The following POLA1 variants were observed in gnomAD, a reference collection of about 807,000 sequenced individuals.
POLA1 encodes the protein DNA polymerase alpha catalytic subunit.
POLA1 carries 15 observed loss-of-function variants against 124.0 expected under a neutral mutation model. That is an observed-to-expected ratio of 0.12 (90% CI 0.08 to 0.19). The LOEUF is 0.19. POLA1 is among the 10% of genes least tolerant of loss of function. POLA1 has a pLI of 1.00. For synonymous variants in POLA1, 408 were observed against 389.4 expected (o/e 1.05, Z -0.56); for missense variants, 886 against 1,103.4 (o/e 0.80, Z 2.79).
chrX:24,693,947 G>C lies in POLA1; in HGVS notation c.-15G>C, dbSNP rs1927782939. On this transcript the variant is annotated 5_prime_UTR_variant, in exon 1 of 37. Coordinates refer to ENST00000379068, the MANE Select transcript of POLA1 (RefSeq NM_001330360.2). ...GTTTTGGGCTGGTTGGCGCGGAATC[G>C]GGAGATTCGGGACCATGGCACCTGT... The C allele has an allele frequency of 8.4e-7, 1 of 1,190,918 alleles. No homozygotes were observed. Among genetic ancestry groups the C allele is most frequent in the Non-Finnish European group, 1.1e-6 (1 of 884,441 alleles).
Position 24,858,771 on chromosome X carries a change from C to T in POLA1, c.4047+15094C>T, listed in dbSNP as rs11573441. 1.0e-3 allele frequency among the ~76,000 whole-genome samples: 114 copies of T among 112,421 alleles called. No homozygotes were observed. In the East Asian group the frequency reaches 0.028, roughly 28 times the overall value. On this transcript the variant is annotated intron_variant, in intron 34 of 36. Coordinates refer to ENST00000379068, the MANE Select transcript of POLA1 (RefSeq NM_001330360.2). ...TAGCTACCTGTCTACACAAGCATGT[C>T]AGTACTGAAGTAGGCTGTCTGAACC... is the stretch of plus-strand genomic sequence containing the variant.
intron 36 of POLA1, among the ~76,000 whole-genome samples, chrX:24,963,646 A>G (rs1234907083): frequency 8.9e-6 from 1 of 111,972 alleles, no homozygotes; most frequent in African/African-American, 3.2e-5. Flanking sequence ...AATAAGATAC[A>G]TGTACATAGT....
chrX:24,919,091 G>C (rs2047575807), intron 35 of POLA1, among the ~76,000 whole-genome samples: 1 of 111,790 alleles, frequency 8.9e-6, no homozygotes, highest in South Asian at 3.8e-4. Context: ...TTAAGAAGTA[G>C]AGCCAGGATT....
chrX:24,909,275 A>G (rs1978338452), intron 35 of POLA1, among the ~76,000 whole-genome samples: 1 of 111,989 alleles, frequency 8.9e-6, no homozygotes, highest in African/African-American at 3.2e-5. Flanking sequence ...TTTTGTTGCC[A>G]TTGTTTTTGG....
At chrX:24,870,888 C>A (rs777990866) in intron 34 of POLA1, among the ~76,000 whole-genome samples, 1 of 111,697 alleles carries the variant, frequency 9.0e-6, no homozygotes, top group Non-Finnish European at 1.9e-5. Context: ...TTTCTTTGAA[C>A]CTGTTTCAAT....
chrX:24,801,924 G>GGTGGGT (rs1555994716), intron 26 of POLA1, among the ~76,000 whole-genome samples: 77 of 74,544 alleles, frequency 1.0e-3, no homozygotes, highest in African/African-American at 1.9e-3. Flanking sequence ...GAGGTGGGTG[G>GGTGGGT]GTGTGTGTGT....
intron 34 of POLA1, among the ~76,000 whole-genome samples, chrX:24,856,311 A>C (rs1197805333): frequency 1.8e-5 from 2 of 112,337 alleles, no homozygotes; most frequent in Non-Finnish European, 3.8e-5. Context: ...CTTTGAGACT[A>C]TCTTCTTTCC....
At chrX:24,795,382 A>G (rs781627796) in intron 26 of POLA1, among the ~76,000 whole-genome samples, 5 of 111,821 alleles carry the variant, frequency 4.5e-5, no homozygotes, top group Middle Eastern at 9.2e-3. Context: ...GTGAATTTGT[A>G]TACCCTCAAT....
Position 24,738,214 on chromosome X carries a change from C to T in POLA1, c.2040+473C>T, listed in dbSNP as rs1038422096. Reference sequence around the variant, plus strand: ...CGGCCTGGGCGACAGAGCGAGACTCCGTCTCAAAAAAAAAAAAAAAAAAAA... The same window carrying T: ...CGGCCTGGGCGACAGAGCGAGACTCTGTCTCAAAAAAAAAAAAAAAAAAAA... On this transcript the variant is annotated intron_variant, in intron 19 of 36. Transcript: ENST00000379068. 4.6e-4 allele frequency among the ~76,000 whole-genome samples: 30 copies of T among 65,256 alleles called. 2 individuals are homozygous for T. Among genetic ancestry groups the T allele is most frequent in the African/African-American group, 2.7e-3 (28 of 10,204 alleles). The allele number at this position is 65,256 out of a possible 115,157, so 56.7% of individuals were successfully genotyped here.
At chrX:24,724,486 T>G in intron 12 of POLA1, 35 bp downstream of exon 12, 2 of 666,644 alleles carry the variant, frequency 3.0e-6, no homozygotes, top group Non-Finnish European at 4.7e-6. Flanking sequence ...TCCAGCTCTG[T>G]TTGTTGTTTA....
At chrX:24,934,643 T>C (rs73471558) in intron 36 of POLA1, among the ~76,000 whole-genome samples, 116 of 112,429 alleles carry the variant, frequency 1.0e-3, no homozygotes, top group African/African-American at 3.6e-3. Context: ...CAAAGTACCA[T>C]GGATGGGGTG....
chrX:24,735,916 C>G (rs1222843250), intron 18 of POLA1, among the ~76,000 whole-genome samples: 1 of 111,199 alleles, frequency 9.0e-6, no homozygotes, highest in African/African-American at 3.3e-5. Flanking sequence ...CCTTTGAAAA[C>G]TCAGGGCTCG....
intron 26 of POLA1, among the ~76,000 whole-genome samples, chrX:24,755,602 A>G (rs1932559880): frequency 8.9e-6 from 1 of 111,766 alleles, no homozygotes; most frequent in Admixed American, 9.5e-5. Context: ...TTTGTGCTGC[A>G]GAGATCTCTT....
At position 24,748,325 on chromosome X, in the gene POLA1, A is replaced by G; in HGVS notation, c.2706A>G (p.Glu902=). 1 of 1,196,127 alleles carries G rather than the reference A, an allele frequency of 8.4e-7. No individual in the cohort carries two copies. Among genetic ancestry groups the G allele is most frequent in the Non-Finnish European group, 1.1e-6 (1 of 884,657 alleles). The change falls in exon 25 of 37, where the codon GAA becomes GAG. Residue 902 remains glutamate, a synonymous_variant. Transcript: ENST00000379068. Reference sequence around the variant, plus strand: ...GTGTTTATCAGGATGGAGAACAAGAACAGATCCCTGAGTTGCCAGATCCAA... The same window carrying G: ...GTGTTTATCAGGATGGAGAACAAGAGCAGATCCCTGAGTTGCCAGATCCAA... ...AQKVTEDGEQ[E]QIPELPDPSL...
At chrX:24,973,147 G>C (rs2048323470) in intron 36 of POLA1, among the ~76,000 whole-genome samples, 1 of 111,662 alleles carries the variant, frequency 9.0e-6, no homozygotes, top group Admixed American at 9.5e-5. Flanking sequence ...CCTGAGTTCA[G>C]GAGTTCGAGA....
At chrX:24,810,571 A>G (rs113152715) in intron 27 of POLA1, 137 bp from the exon 28 acceptor site, 1 of 352,975 alleles carries the variant, frequency 2.8e-6, no homozygotes, top group Non-Finnish European at 4.9e-6. Context: ...TACCCTGACA[A>G]TATAAATAAT....
chrX:24,793,330 GC>G (rs1412788734), intron 26 of POLA1, among the ~76,000 whole-genome samples: 2 of 103,748 alleles, frequency 1.9e-5, no homozygotes, highest in African/African-American at 7.2e-5. Flanking sequence ...AAAAGGTGTT[GC>G]TTTGTGTGAG....
chrX:24,733,972 CACCTAGAAGCATTATTTA>C (rs1470409877), intron 17 of POLA1, 156 bp downstream of exon 17: 2 of 342,001 alleles, frequency 5.8e-6, no homozygotes, highest in Admixed American at 5.5e-5. Flanking sequence ...ATTAGACATA[CACCTAGAAGCATTATTTA>C]ACAATGTTTA....
chrX:24,878,672 T>C (rs1187951412), intron 34 of POLA1, among the ~76,000 whole-genome samples: 2 of 110,702 alleles, frequency 1.8e-5, no homozygotes, highest in African/African-American at 6.6e-5. Flanking sequence ...CCCTGTCACT[T>C]TCTCATTGAG....
Sources: allele counts gnomAD v4.1 joint callset (sites outside exome capture counted in the v4.1 genomes callset), GRCh38; gene constraint gnomAD v4.1.1; transcripts MANE v1.5; gene names NCBI Gene and HGNC (gene_info 2026-07-23, HGNC 2026-07-21).